The following GPHN variants were observed in gnomAD, a reference collection of about 807,000 sequenced individuals.
GPHN encodes the protein gephyrin.
In GPHN, 17 loss-of-function variants were observed where a neutral mutation model predicts 95.5. The observed-to-expected ratio is 0.18, with a 90% CI of 0.12 to 0.27. The LOEUF (loss-of-function observed/expected upper bound fraction) is 0.27, where lower values mean the gene tolerates loss of function less well. GPHN is among the 10% of genes least tolerant of loss of function. The probability of loss-of-function intolerance (pLI) is 1.00; values close to 1 mark genes in which losing one functional copy is unlikely to be tolerated. For synonymous variants in GPHN, 320 were observed against 322.5 expected (o/e 0.99, Z 0.08); for missense variants, 660 against 978.1 (o/e 0.67, Z 4.34).
chr14:66,582,799 G>C (rs551276148), intron 1 of GPHN, among the ~76,000 whole-genome samples: 5 of 152,090 alleles, frequency 3.3e-5, no homozygotes, highest in African/African-American at 7.2e-5. Context: ...GGATATTTGG[G>C]TTGGTTCCAA....
chr14:67,442,036 C>G, the GPHN span: 4 of 153,552 alleles, frequency 2.6e-5, no homozygotes, highest in African/African-American at 9.7e-5. Flanking sequence ...ATTTTAATTT[C>G]TTTTAAAATT....
chr14:67,330,302 C>A, the GPHN span, among the ~76,000 whole-genome samples: 2 of 151,670 alleles, frequency 1.3e-5, no homozygotes, highest in Admixed American at 1.3e-4. Flanking sequence ...TTTAGTTTCT[C>A]AAGATGAATG....
intron 8 of GPHN, among the ~76,000 whole-genome samples, chr14:66,956,736 G>GT (rs979814401): frequency 1.3e-5 from 2 of 151,892 alleles, no homozygotes; most frequent in Non-Finnish European, 2.9e-5. Flanking sequence ...GGGGTTGTTT[G>GT]TTTTTTAGAA....
the GPHN span, chr14:67,301,304 G>T: frequency 1.1e-5 from 7 of 631,948 alleles, no homozygotes; most frequent in African/African-American, 3.7e-5. Context: ...ATTTTAATTT[G>T]TACTTAAAAA....
chr14:67,414,099 G>A, the GPHN span, among the ~76,000 whole-genome samples: 1 of 152,200 alleles, frequency 6.6e-6, no homozygotes, highest in Non-Finnish European at 1.5e-5. Context: ...CTTCCTCAAA[G>A]AGGCTGTCTT....
At chr14:67,398,821 A>G in the GPHN span, among the ~76,000 whole-genome samples, 19 of 152,340 alleles carry the variant, frequency 1.2e-4, no homozygotes, top group South Asian at 3.5e-3. Flanking sequence ...TTGGCCTCCC[A>G]AAGTGCTAGG....
chr14:67,398,273 G>A, the GPHN span, among the ~76,000 whole-genome samples: 3 of 152,044 alleles, frequency 2.0e-5, no homozygotes, highest in Admixed American at 2.0e-4. Context: ...GAGACAGGCT[G>A]GAGTACAGTG....
intron 1 of GPHN, among the ~76,000 whole-genome samples, chr14:66,563,151 C>T (rs773872654): frequency 1.2e-4 from 18 of 150,566 alleles, no homozygotes; most frequent in Non-Finnish European, 2.2e-4. Context: ...AGTTTTAATG[C>T]TCTAGACCTC....
intron 1 of GPHN, among the ~76,000 whole-genome samples, chr14:66,579,600 A>G (rs186203793): frequency 5.3e-5 from 8 of 151,942 alleles, no homozygotes; most frequent in Admixed American, 3.9e-4. Flanking sequence ...TTGTGAGAAG[A>G]GGCACAGAAG....
chr14:67,331,712 A>G, the GPHN span, among the ~76,000 whole-genome samples: 57 of 152,182 alleles, frequency 3.7e-4, no homozygotes, highest in African/African-American at 1.3e-3. Context: ...AAATTTGATA[A>G]AAACTAGGTG....
intron 9 of GPHN, among the ~76,000 whole-genome samples, chr14:67,018,860 G>A (rs1205587716): frequency 1.3e-5 from 2 of 152,122 alleles, no homozygotes; most frequent in Non-Finnish European, 2.9e-5. Flanking sequence ...CTGAGATTAT[G>A]GGAGGGCCCA....
the GPHN span, among the ~76,000 whole-genome samples, chr14:67,557,069 A>T: frequency 6.6e-6 from 1 of 152,228 alleles, no homozygotes; most frequent in African/African-American, 2.4e-5. Flanking sequence ...AGAGTGGCCA[A>T]AATGAGTTTC....
chr14:66,593,309 A>G (rs28874705), intron 1 of GPHN, among the ~76,000 whole-genome samples: 1 of 152,182 alleles, frequency 6.6e-6, no homozygotes, highest in East Asian at 1.9e-4. Context: ...TTAAAAAAAA[A>G]AAAAAACAAA....
chr14:67,220,201 C>T, the GPHN span, among the ~76,000 whole-genome samples: 1 of 152,052 alleles, frequency 6.6e-6, no homozygotes, highest in African/African-American at 2.4e-5. Flanking sequence ...TTTGAGAGGC[C>T]CAGGCGGGAG....
intron 1 of GPHN, among the ~76,000 whole-genome samples, chr14:66,638,167 T>C (rs1448524445): frequency 6.6e-6 from 1 of 152,134 alleles, no homozygotes; most frequent in African/African-American, 2.4e-5. Flanking sequence ...ACTTATCAGC[T>C]AGCTTTCTTC....
At chr14:67,552,043 C>T in the GPHN span, among the ~76,000 whole-genome samples, 117 of 152,272 alleles carry the variant, frequency 7.7e-4, no homozygotes, top group Middle Eastern at 0.01. Flanking sequence ...CATCTCACAG[C>T]GTGTGACAAG....
At chr14:66,599,139 G>A (rs1167924251) in intron 1 of GPHN, among the ~76,000 whole-genome samples, 1 of 151,828 alleles carries the variant, frequency 6.6e-6, no homozygotes, top group Non-Finnish European at 1.5e-5. Context: ...TTAAAAAATA[G>A]TATTAATAAC....
At chr14:67,639,933 A>G in the GPHN span, among the ~76,000 whole-genome samples, 15 of 150,800 alleles carry the variant, frequency 9.9e-5, no homozygotes, top group South Asian at 3.1e-3. Context: ...TCAAAAAAAA[A>G]AAAAAAAAAA....
the GPHN span, chr14:67,364,485 G>A: frequency 3.3e-6 from 1 of 305,314 alleles, no homozygotes; most frequent in East Asian, 7.5e-5. Context: ...AGGTCTTGGA[G>A]TACTTTATAG....
Sources: gnomAD v4.1 joint callset for allele counts (sites outside exome capture counted in the v4.1 genomes callset) on GRCh38, gnomAD v4.1.1 for gene constraint, MANE v1.5 for transcripts, NCBI Gene and HGNC (gene_info 2026-07-23, HGNC 2026-07-21) for gene names.